SCYL3: variants seen among roughly 807,000 people sequenced by gnomAD.
The protein encoded by SCYL3 is SCY1 like pseudokinase 3, also known as protein-associating with the carboxyl-terminal domain of ezrin.
A neutral mutation model predicts 73.8 loss-of-function variants in SCYL3; 35 were observed. The ratio of observed to expected loss-of-function variants is 0.47; its 90% CI spans 0.36 to 0.63. The LOEUF (loss-of-function observed/expected upper bound fraction) is 0.63. SCYL3 is among the 20% of genes least tolerant of loss of function. The pLI is 0.00. For synonymous variants in SCYL3, 277 were observed against 295.2 expected, an observed-to-expected ratio of 0.94 and a Z score of 0.63; for missense variants, 712 against 798.9, an observed-to-expected ratio of 0.89 and a Z score of 1.31.
chr1:169,880,493 GA>G lies in SCYL3; in HGVS notation c.166-1675del, dbSNP rs555020970. ...GGAAAGGTGGAGGGCAAGAAACAAT[GA>G]AACATGTTTAAAATGCTGAAAGAAA... On this transcript the variant is annotated intron_variant, in intron 2 of 12. Coordinates refer to ENST00000367771, the MANE Select transcript of SCYL3 (RefSeq NM_020423.7). Among the ~76,000 whole-genome samples, 144 of 123,608 alleles carry G rather than the reference GA, an allele frequency of 1.2e-3. 16 individuals are homozygous for G. Among genetic ancestry groups the G allele is most frequent in the African/African-American group, 3.9e-3 (137 of 35,436 alleles). The allele number at this position is 123,608 out of a possible 152,430, so 81.1% of individuals were successfully genotyped here.
intron 2 of SCYL3, among the ~76,000 whole-genome samples, chr1:169,886,100 C>T (rs531469330): frequency 2.8e-4 from 43 of 152,252 alleles, no homozygotes; most frequent in African/African-American, 8.2e-4. Context: ...ATCACGAGGT[C>T]GAGAGGTAGA....
chr1:169,870,676 A>G (rs1464225628), intron 5 of SCYL3, among the ~76,000 whole-genome samples: 1 of 152,174 alleles, frequency 6.6e-6, no homozygotes, highest in Non-Finnish European at 1.5e-5. Context: ...GCATAAATAC[A>G]CACATAATGG....
Position 169,850,477 on chromosome 1 carries a change from T to C in SCYL3, c.*3236A>G. ...AGTGCTGAGCACAGTGCTGACGACT[T>C]TTACTAAGCAATTGAGGCCACAGAA... is the stretch of plus-strand genomic sequence containing the variant. On this transcript the variant is annotated 3_prime_UTR_variant, in exon 13 of 13. Coordinates refer to ENST00000367771, the MANE Select transcript of SCYL3 (RefSeq NM_020423.7). The C allele has an allele frequency of 1.6e-6, 1 of 616,724 alleles. No homozygotes were observed. Among genetic ancestry groups the C allele is most frequent in the Admixed American group, 2.9e-5 (1 of 33,986 alleles). The allele number at this position is 616,724 out of a possible 1,614,324, so 38.2% of individuals were successfully genotyped here. A position where few individuals can be genotyped will look rare whatever the true frequency, so the allele number is the denominator to read the frequency against.
chr1:169,856,302 G>C (rs189580179), intron 11 of SCYL3, among the ~76,000 whole-genome samples: 27 of 152,218 alleles, frequency 1.8e-4, no homozygotes, highest in African/African-American at 6.5e-4. Flanking sequence ...TTCCTTTTAA[G>C]AATAAAAGTT....
At chr1:169,880,009 T>TGTAATCCCA (rs1399381164) in intron 2 of SCYL3, among the ~76,000 whole-genome samples, 2 of 152,094 alleles carry the variant, frequency 1.3e-5, no homozygotes, top group African/African-American at 4.8e-5. Flanking sequence ...GACTCACACC[T>TGTAATCCCA]GTAATCCCAG....
At chr1:169,869,085 T>C in intron 6 of SCYL3, 46 bp from the exon 7 acceptor site, 1 of 1,484,342 alleles carries the variant, frequency 6.7e-7, no homozygotes. Context: ...TCTCCCTCTT[T>C]TCAGGACCTC....
Position 169,851,676 on chromosome 1 carries a change from A to C in SCYL3, c.*2037T>G. The C allele has an allele frequency of 1.1e-6, 1 of 889,150 alleles. No homozygotes were observed. The highest frequency in any genetic ancestry group is 2.5e-5 in the East Asian group (1 of 39,962). The allele number at this position is 889,150 out of a possible 1,614,324, so 55.1% of individuals were successfully genotyped here. ...GTGATTTAATCCAGATTATACTAAG[A>C]GTATTTATAGATCAGTCCATGTGAC... On this transcript the variant is annotated 3_prime_UTR_variant, in exon 13 of 13. Coordinates refer to ENST00000367771, the MANE Select transcript of SCYL3 (RefSeq NM_020423.7).
chr1:169,852,874 G>A lies in SCYL3; in HGVS notation c.*839C>T, dbSNP rs1295322179. 1 of 1,614,148 alleles carries A rather than the reference G, an allele frequency of 6.2e-7. No homozygotes were observed. Among genetic ancestry groups the A allele is most frequent in the Non-Finnish European group, 8.5e-7 (1 of 1,180,002 alleles). On this transcript the variant is annotated 3_prime_UTR_variant, in exon 13 of 13. Transcript: ENST00000367771. ...GCATACAATAGCAGGGGCTTTGGAA[G>A]CAACTGAGTCACTACTCCAAAAGGG...
chr1:169,864,463 A>C lies in SCYL3; in HGVS notation c.861T>G (p.Ala287=). 1 of 1,611,774 alleles carries C rather than the reference A, an allele frequency of 6.2e-7. No individual in the cohort carries two copies. Among genetic ancestry groups the C allele is most frequent in the Non-Finnish European group, 8.5e-7 (1 of 1,179,424 alleles). ...RVSCLSEELI[A]SRLVPLLLNQ... is the part of the protein sequence containing the mutation. ...TAAGCAGAAGAGGCACCAACCTTGA[A>C]GCTATCAATTCCTCTGACAAGCAGC... Residue 287 remains alanine, a synonymous_variant, in exon 9 of 13, where the codon GCT becomes GCG. Transcript: ENST00000367771.
At chr1:169,867,632 T>A (rs1031422081) in intron 7 of SCYL3, among the ~76,000 whole-genome samples, 1 of 152,190 alleles carries the variant, frequency 6.6e-6, no homozygotes, top group Non-Finnish European at 1.5e-5. Context: ...ACATCTTATG[T>A]TTATACCTAC....
Position 169,864,469 on chromosome 1 carries a change from C to T in SCYL3, c.855G>A (p.Leu285=), listed in dbSNP as rs1316914454. Residue 285 remains leucine, a synonymous_variant, in exon 9 of 13, where the codon TTG becomes TTA. Coordinates refer to ENST00000367771, the MANE Select transcript of SCYL3 (RefSeq NM_020423.7). ...GAAGAGGCACCAACCTTGAAGCTAT[C>T]AATTCCTCTGACAAGCAGCTGACTC... ...LDRVSCLSEE[L]IASRLVPLLL... 6.2e-7 allele frequency: 1 copy of T among 1,610,232 alleles called. No homozygotes were observed. Among genetic ancestry groups the T allele is most frequent in the African/African-American group, 1.3e-5 (1 of 74,588 alleles).
chr1:169,854,668 T>C lies in SCYL3; in HGVS notation c.1609A>G (p.Thr537Ala), dbSNP rs1223967738. Residue 537 changes from threonine (T) to alanine (A), a missense_variant, in exon 12 of 13, where the codon ACA (threonine) becomes GCA (alanine). By Grantham distance (58) the Thr-to-Ala change is moderately conservative (BLOSUM62 0). Around this residue, in one of 2 missense-constraint regions of SCYL3, gnomAD observed 370 missense variants for 350.8 expected, o/e 1.05. Transcript: ENST00000367771. ...TGCTCCCCTGAGGTAACAGGTTTTG[T>C]AGCAGTGATTCCACCTCCTGGGTTT... ...KVNPGGGITATKPVTSGEQKP... is the reference protein window; with the variant it reads ...KVNPGGGITAAKPVTSGEQKP... 1.2e-6 allele frequency: 2 copies of C among 1,613,970 alleles called. No homozygotes were observed.
chr1:169,857,600 TC>T (rs1356989179), intron 11 of SCYL3, among the ~76,000 whole-genome samples: 2 of 152,238 alleles, frequency 1.3e-5, no homozygotes, highest in Non-Finnish European at 2.9e-5. Context: ...TGAATTATAT[TC>T]AGTGAAATAT....
chr1:169,887,503 A>G (rs576691481), intron 2 of SCYL3, among the ~76,000 whole-genome samples: 3 of 152,262 alleles, frequency 2.0e-5, no homozygotes, highest in Admixed American at 2.0e-4. Context: ...CAATCTTATT[A>G]GATGAAAATA....
In SCYL3 at chr1:169,853,722, ATTATCTTCCCAG is replaced by A; in HGVS notation, c.2046_2057del (p.Trp683_Asn686del). ...TAACTCACATCTATTGTCACCAGTT[ATTATCTTCCCAG>A]TTCAGCTCCCCTTCTTCTTCCCAGC... is the stretch of plus-strand genomic sequence containing the variant. On this transcript the variant is annotated inframe_deletion, in exon 13 of 13. Transcript: ENST00000367771. 2 of 1,613,762 alleles carry A rather than the reference ATTATCTTCCCAG, an allele frequency of 1.2e-6. No homozygotes were observed. The highest frequency in any genetic ancestry group is 2.2e-5 in the South Asian group (2 of 91,054).
rs567491750 is a variant in SCYL3, at chr1:169,870,452, A to G, written c.523-95T>C. 3.5e-4 allele frequency: 266 copies of G among 767,652 alleles called. 2 individuals are homozygous for G. The highest frequency in any genetic ancestry group is 1.1e-3 in the Middle Eastern group (5 of 4,362). The allele number at this position is 767,652 out of a possible 1,614,324, so 47.6% of individuals were successfully genotyped here. Reference sequence around the variant, plus strand: ...ACCTTCTCCCATGTTTGTATTTATTATACTCAAATCTATCTTCAGACCACC... The same window carrying G: ...ACCTTCTCCCATGTTTGTATTTATTGTACTCAAATCTATCTTCAGACCACC... On this transcript the variant is annotated intron_variant, in intron 5 of 12. Transcript: ENST00000367771.
At chr1:169,863,699 A>T (rs1659827050) in intron 9 of SCYL3, among the ~76,000 whole-genome samples, 1 of 152,208 alleles carries the variant, frequency 6.6e-6, no homozygotes, top group South Asian at 2.1e-4. Context: ...CTACTGAGGA[A>T]TAGGATGTAA....
At chr1:169,889,842 T>C (rs977636295) in intron 1 of SCYL3, among the ~76,000 whole-genome samples, 5 of 152,212 alleles carry the variant, frequency 3.3e-5, no homozygotes, top group African/African-American at 1.2e-4. Context: ...CGCCTCAAAG[T>C]TGTTTTGAAA....
Position 169,859,121 on chromosome 1 carries a change from A to T in SCYL3, c.1232T>A (p.Val411Glu). The change falls in exon 11 of 13, where the codon GTG (valine) becomes GAG (glutamate). Residue 411 changes from valine to glutamate, a missense_variant. This residue lies in a region of SCYL3 where 370 missense variants were observed against 350.8 expected (regional missense o/e 1.05). Transcript: ENST00000367771. Reference sequence around the variant, plus strand: ...CTTGGTTCGTTCTCCTCCCACAACCACCTCTGGTCCAAGCAGAGAGACCAG... The same window carrying T: ...CTTGGTTCGTTCTCCTCCCACAACCTCCTCTGGTCCAAGCAGAGAGACCAG... ...AVLVSLLGPE[V>E]VVGGERTKIF... The T allele has an allele frequency of 6.2e-7, 1 of 1,614,022 alleles. No homozygotes were observed. The highest frequency in any genetic ancestry group is 8.5e-7 in the Non-Finnish European group (1 of 1,180,004).
Sources: gnomAD v4.1 joint callset for allele counts (sites outside exome capture counted in the v4.1 genomes callset) on GRCh38, gnomAD v4.1.1 for gene constraint, gnomAD v4.1.1 regional missense constraint, MANE v1.5 for transcripts, NCBI Gene and HGNC (gene_info 2026-07-23, HGNC 2026-07-21) for gene names.